CTCF: variants seen among roughly 807,000 people sequenced by gnomAD.
The protein encoded by CTCF is transcriptional repressor CTCF.
CTCF carries 7 observed loss-of-function variants against 72.3 expected under a neutral mutation model. The observed-to-expected ratio is 0.10, with a 90% CI of 0.06 to 0.18. CTCF has a LOEUF of 0.18. Ranked by LOEUF, CTCF falls within the 10% of genes least tolerant of loss-of-function variation. The pLI, the probability that CTCF is intolerant of heterozygous loss-of-function variation, is 1.00. For synonymous variants in CTCF, 374 were observed against 315.8 expected, an observed-to-expected ratio of 1.18 and a Z score of -1.95; for missense variants, 516 against 949.1, an observed-to-expected ratio of 0.54 and a Z score of 6.00.
At chr16:67,601,347 G>GTT (rs1439348167) in intron 2 of CTCF, among the ~76,000 whole-genome samples, 1 of 129,654 alleles carries the variant, frequency 7.7e-6, no homozygotes, top group South Asian at 2.6e-4. Flanking sequence ...GTTTTGTTTT[G>GTT]TTTTTTTTTA....
chr16:67,611,351 A>G lies in CTCF; in HGVS notation c.519A>G (p.Gly173=). The G allele has an allele frequency of 6.2e-7, 1 of 1,614,170 alleles. No individual in the cohort carries two copies. The highest frequency in any genetic ancestry group is 1.3e-5 in the African/African-American group (1 of 75,044). Residue 173 remains glycine (G), a synonymous_variant, in exon 3 of 12, where the codon GGA becomes GGG. Coordinates refer to ENST00000264010, the MANE Select transcript of CTCF (RefSeq NM_006565.4). ...GFQVVKVGAN[G]EVETLEQGEL... ...AGGTGGTTAAAGTGGGGGCCAATGG[A>G]GAGGTGGAGACACTAGAACAAGGGG...
chr16:67,599,794 T>C (rs984867363), intron 2 of CTCF, among the ~76,000 whole-genome samples: 21 of 152,172 alleles, frequency 1.4e-4, no homozygotes, highest in African/African-American at 4.8e-4. Context: ...TGGTTAGTGA[T>C]GGATTGGGTA....
chr16:67,585,676 C>G (rs1427273607), intron 2 of CTCF, among the ~76,000 whole-genome samples: 3 of 152,060 alleles, frequency 2.0e-5, no homozygotes, highest in African/African-American at 7.2e-5. Flanking sequence ...TAAATAAACT[C>G]TAATATAACA....
chr16:67,613,717 A>G (rs1169483101), intron 4 of CTCF, among the ~76,000 whole-genome samples: 1 of 152,156 alleles, frequency 6.6e-6, no homozygotes, highest in Non-Finnish European at 1.5e-5. Flanking sequence ...CAGAGGTTGC[A>G]GTAAGCCAAG....
intron 1 of CTCF, among the ~76,000 whole-genome samples, chr16:67,563,037 C>T (rs762349735): frequency 5.9e-5 from 9 of 151,286 alleles, no homozygotes; most frequent in Non-Finnish European, 8.9e-5. Flanking sequence ...CCTTTGTCTG[C>T]CCTCGAGGCC....
chr16:67,637,003 G>C, intron 11 of CTCF, 152 bp downstream of exon 11: 1 of 662,164 alleles, frequency 1.5e-6, no homozygotes, highest in Non-Finnish European at 2.3e-6. Flanking sequence ...TGGCTTTTTA[G>C]GAGTTTTTAC....
intron 2 of CTCF, among the ~76,000 whole-genome samples, chr16:67,572,948 C>G (rs867488746): frequency 0.031 from 2,393 of 76,576 alleles, 50 homozygotes; most frequent in Middle Eastern, 0.15. Flanking sequence ...CCCCCCCCCG[C>G]CCCCCCCCCC....
At chr16:67,620,847 A>T (rs2052191140) in intron 6 of CTCF, 30 bp downstream of exon 6, 2 of 1,523,838 alleles carry the variant, frequency 1.3e-6, no homozygotes, top group African/African-American at 2.7e-5. Context: ...TACTGTATTA[A>T]TGAGCTTCTT....
chr16:67,569,173 A>G (rs377662491), intron 1 of CTCF, among the ~76,000 whole-genome samples: 1 of 146,256 alleles, frequency 6.8e-6, no homozygotes, highest in African/African-American at 2.5e-5. Context: ...TTAGCTCTTT[A>G]TTTCATTTGG....
chr16:67,598,712 C>T (rs1448530581), intron 2 of CTCF, among the ~76,000 whole-genome samples: 8 of 152,226 alleles, frequency 5.3e-5, no homozygotes, highest in Non-Finnish European at 1.0e-4. Context: ...AAGTGAAACT[C>T]GATAAAAGCA....
intron 2 of CTCF, among the ~76,000 whole-genome samples, chr16:67,592,064 A>T (rs776805027): frequency 2.6e-5 from 4 of 152,034 alleles, no homozygotes; most frequent in Non-Finnish European, 4.4e-5. Context: ...GTCATTTAAC[A>T]TTCTGTATAG....
At position 67,628,511 on chromosome 16, in the gene CTCF, G is replaced by T; in HGVS notation, c.1660G>T (p.Ala554Ser). Residue 554 changes from alanine (A) to serine (S), a missense_variant, in exon 9 of 12, where the codon GCT becomes TCT. Ala to Ser is a moderately conservative substitution (Grantham distance 99). Around this residue, in one of 7 missense-constraint regions of CTCF, gnomAD observed 81 missense variants for 184.3 expected, o/e 0.44. Coordinates refer to ENST00000264010, the MANE Select transcript of CTCF (RefSeq NM_006565.4). ...RYHDPNFVPA[A>S]FVCSKCGKTF... is the part of the protein sequence containing the mutation. Reference sequence around the variant, plus strand: ...TCACGACCCCAACTTCGTCCCTGCGGCTTTTGTCTGTTCTAAGTGTGGGAA... The same window carrying T: ...TCACGACCCCAACTTCGTCCCTGCGTCTTTTGTCTGTTCTAAGTGTGGGAA... 6.2e-7 allele frequency: 1 copy of T among 1,614,224 alleles called. No homozygotes were observed. Among genetic ancestry groups the T allele is most frequent in the Non-Finnish European group, 8.5e-7 (1 of 1,180,048 alleles).
Position 67,611,372 on chromosome 16 carries a change from A to G in CTCF, c.540A>G (p.Gln180=). The G allele has an allele frequency of 6.2e-7, 1 of 1,614,134 alleles. No homozygotes were observed. Among genetic ancestry groups the G allele is most frequent in the Non-Finnish European group, 8.5e-7 (1 of 1,179,996 alleles). The part of the protein sequence containing the change: ...GANGEVETLE[Q]GELPPQEDPS... ...ATGGAGAGGTGGAGACACTAGAACA[A>G]GGGGAACTTCCACCCCAGGAAGATC... Residue 180 remains glutamine, a synonymous_variant, in exon 3 of 12, where the codon CAA becomes CAG. Transcript: ENST00000264010.
intron 1 of CTCF, among the ~76,000 whole-genome samples, chr16:67,564,308 G>T (rs1032610203): frequency 7.2e-5 from 11 of 152,208 alleles, no homozygotes; most frequent in Non-Finnish European, 5.9e-5. Context: ...TTGTTTTGGA[G>T]AGAAGAAAGT....
intron 2 of CTCF, among the ~76,000 whole-genome samples, chr16:67,602,079 G>A (rs1053879887): frequency 6.6e-6 from 1 of 152,078 alleles, no homozygotes; most frequent in Non-Finnish European, 1.5e-5. Flanking sequence ...GGTCAGGCTG[G>A]TCGTGAACTC....
At chr16:67,595,310 A>G (rs902861589) in intron 2 of CTCF, among the ~76,000 whole-genome samples, 1 of 151,024 alleles carries the variant, frequency 6.6e-6, no homozygotes, top group African/African-American at 2.4e-5. Flanking sequence ...GGTACAAACC[A>G]CCATGTCTGG....
chr16:67,618,534 T>C (rs1457053960), intron 5 of CTCF, among the ~76,000 whole-genome samples: 1 of 152,256 alleles, frequency 6.6e-6, no homozygotes, highest in Non-Finnish European at 1.5e-5. Flanking sequence ...CTGTTTCAGC[T>C]TTGTACTGGA....
chr16:67,598,107 C>G (rs1426886111), intron 2 of CTCF, among the ~76,000 whole-genome samples: 1 of 151,960 alleles, frequency 6.6e-6, no homozygotes, highest in Non-Finnish European at 1.5e-5. Flanking sequence ...CTCCAGGTAG[C>G]TGGGACTACA....
chr16:67,635,668 T>C (rs1490477839), intron 10 of CTCF: 1 of 151,880 alleles, frequency 6.6e-6, no homozygotes, highest in East Asian at 2.0e-4. Flanking sequence ...TTTATATTTT[T>C]AGTAGAGTCA....
Sources: gnomAD v4.1 joint callset for allele counts (sites outside exome capture counted in the v4.1 genomes callset) on GRCh38, gnomAD v4.1.1 for gene constraint, gnomAD v4.1.1 regional missense constraint, MANE v1.5 for transcripts, NCBI Gene and HGNC (gene_info 2026-07-23, HGNC 2026-07-21) for gene names.